Variants in UTRN observed in about 807,000 individuals in gnomAD.
The protein encoded by UTRN is utrophin.
A neutral mutation model predicts 463.9 loss-of-function variants in UTRN; 283 were observed. The observed-to-expected ratio is 0.61, with a 90% CI of 0.55 to 0.67. The LOEUF is 0.67. Ranked by LOEUF, UTRN falls within the 30% of genes least tolerant of loss-of-function variation. The probability of loss-of-function intolerance (pLI) is 0.00; values close to 1 mark genes in which losing one functional copy is unlikely to be tolerated. For missense variants in UTRN, 3,922 were observed against 4,084.3 expected, an observed-to-expected ratio of 0.96 and a Z score of 1.08; for synonymous variants, 1,442 against 1,431.5, an observed-to-expected ratio of 1.01 and a Z score of -0.17.
At chr6:144,490,846 A>G (rs1792993555) in intron 31 of UTRN, 83 bp from the exon 32 acceptor site, 4 of 1,433,262 alleles carry the variant, frequency 2.8e-6, no homozygotes, top group Non-Finnish European at 3.7e-6. Context: ...TTATGGTACA[A>G]ATTTTTAGTA....
At chr6:144,416,797 A>T (rs757417195) in intron 3 of UTRN, among the ~76,000 whole-genome samples, 5 of 152,186 alleles carry the variant, frequency 3.3e-5, no homozygotes, top group Admixed American at 2.0e-4. Flanking sequence ...TTTTGTATTT[A>T]TTGGAAAACT....
intron 71 of UTRN, chr6:144,838,926 G>T (rs1463325503): frequency 5.3e-6 from 2 of 378,660 alleles, no homozygotes; most frequent in Admixed American, 4.3e-5. Flanking sequence ...AAAATTGAGG[G>T]ATAAAAATGG....
intron 2 of UTRN, among the ~76,000 whole-genome samples, chr6:144,385,898 A>C (rs1165947332): frequency 6.6e-6 from 1 of 151,930 alleles, no homozygotes; most frequent in African/African-American, 2.4e-5. Flanking sequence ...TAGTAGAGAC[A>C]AGGTTTCATC....
chr6:144,409,819 C>T (rs1422098564), intron 3 of UTRN, among the ~76,000 whole-genome samples: 1 of 152,200 alleles, frequency 6.6e-6, no homozygotes, highest in Non-Finnish European at 1.5e-5. Flanking sequence ...ACCCTGCCAA[C>T]ACTGGTACCT....
intron 65 of UTRN, among the ~76,000 whole-genome samples, chr6:144,806,813 T>C (rs1216710574): frequency 9.7e-6 from 1 of 103,260 alleles, no homozygotes; most frequent in Non-Finnish European, 2.2e-5. Flanking sequence ...TCATTCGAAA[T>C]ACAAATTTTA....
intron 51 of UTRN, among the ~76,000 whole-genome samples, chr6:144,622,685 C>T (rs1775553500): frequency 6.6e-6 from 1 of 151,942 alleles, no homozygotes; most frequent in African/African-American, 2.4e-5. Context: ...GTTGTTTTAC[C>T]TTATCCAAGG....
At chr6:144,718,324 A>C (rs1786731188) in intron 53 of UTRN, among the ~76,000 whole-genome samples, 1 of 152,138 alleles carries the variant, frequency 6.6e-6, no homozygotes, top group Non-Finnish European at 1.5e-5. Context: ...AAAATTAATT[A>C]GCCTGGTATG....
intron 53 of UTRN, among the ~76,000 whole-genome samples, chr6:144,710,028 A>G (rs1425583905): frequency 6.6e-6 from 1 of 152,344 alleles, no homozygotes; most frequent in African/African-American, 2.4e-5. Flanking sequence ...ACGAAGAGCA[A>G]TAAGGTATAG....
intron 53 of UTRN, among the ~76,000 whole-genome samples, chr6:144,701,861 T>TC (rs1298702428): frequency 6.6e-6 from 1 of 152,186 alleles, no homozygotes; most frequent in East Asian, 1.9e-4. Flanking sequence ...GTATTTTTTT[T>TC]CTTTCTACTC....
At chr6:144,673,289 A>G (rs1173247007) in intron 51 of UTRN, among the ~76,000 whole-genome samples, 1 of 152,124 alleles carries the variant, frequency 6.6e-6, no homozygotes, top group Non-Finnish European at 1.5e-5. Context: ...GTCCCCTACA[A>G]TTATTGTGTT....
rs576118440 is a variant in UTRN at position 144,724,782 on chromosome 6, T to C, written c.7810-5575T>C. Among the ~76,000 whole-genome samples the C allele has an allele frequency of 3.3e-5, 5 of 152,358 alleles. No individual in the cohort carries two copies. The South Asian group carries it at 1.0e-3, about 32-fold the overall frequency. ...TCAGTATTTCATTCATTTTTATTAC[T>C]GAATAAGATGTCATTGTATTATGGA... On this transcript the variant is annotated intron_variant, in intron 53 of 74. Coordinates refer to ENST00000367545, the MANE Select transcript of UTRN (RefSeq NM_007124.3).
Position 144,776,774 on chromosome 6 carries a change from A to T in UTRN, c.8632+2410A>T, listed in dbSNP as rs575234370. ...GCTCTTTGTATAGGTTGATGCAAAA[A>T]TAATTGCAGTTTTTGCCGTTAAAAG... is the stretch of plus-strand genomic sequence containing the variant. On this transcript the variant is annotated intron_variant, in intron 60 of 74. Transcript: ENST00000367545. Among the ~76,000 whole-genome samples, 218 of 152,282 alleles carry T rather than the reference A, an allele frequency of 1.4e-3. 1 individual carries two copies. Among genetic ancestry groups the T allele is most frequent in the African/African-American group, 4.9e-3 (205 of 41,550 alleles).
chr6:144,375,631 G>A (rs1780386284), intron 2 of UTRN, among the ~76,000 whole-genome samples: 1 of 152,096 alleles, frequency 6.6e-6, no homozygotes, highest in Non-Finnish European at 1.5e-5. Flanking sequence ...ACCCTTGTTT[G>A]CTTTTGCCTG....
chr6:144,469,522 A>C lies in UTRN; in HGVS notation c.3067-4198A>C, dbSNP rs960873898. 2.4e-4 allele frequency among the ~76,000 whole-genome samples: 36 copies of C among 152,190 alleles called. 1 individual carries two copies. The highest frequency in any genetic ancestry group is 2.4e-3 in the Admixed American group (36 of 15,286). On this transcript the variant is annotated intron_variant, in intron 23 of 74. Coordinates refer to ENST00000367545, the MANE Select transcript of UTRN (RefSeq NM_007124.3). ...TAGGCAGGTGCTGAGCTTGGTAGTC[A>C]GACCTCAGCATTTCTTTATATGGGC...
At chr6:144,531,912 C>T (rs536375402) in intron 42 of UTRN, among the ~76,000 whole-genome samples, 16 of 151,984 alleles carry the variant, frequency 1.1e-4, no homozygotes, top group East Asian at 7.7e-4. Context: ...CTGAGGTGGG[C>T]GGATTATGAG....
intron 2 of UTRN, among the ~76,000 whole-genome samples, chr6:144,336,716 T>G (rs1392996581): frequency 6.6e-6 from 1 of 152,282 alleles, no homozygotes; most frequent in East Asian, 1.9e-4. Context: ...TACTCCCTCT[T>G]TCTTTTTTTT....
intron 54 of UTRN, among the ~76,000 whole-genome samples, chr6:144,730,904 C>A (rs1788449084): frequency 6.6e-6 from 1 of 150,798 alleles, no homozygotes; most frequent in African/African-American, 2.4e-5. Context: ...AATGACACAC[C>A]AAAGTCCTTT....
intron 51 of UTRN, among the ~76,000 whole-genome samples, chr6:144,610,143 G>C (rs1298834886): frequency 7.8e-6 from 1 of 127,580 alleles, no homozygotes; most frequent in Non-Finnish European, 1.7e-5. Flanking sequence ...AAAACTAAGA[G>C]ATTCTTTTTT....
Position 144,803,119 on chromosome 6 carries a change from A to G in UTRN, c.9329A>G (p.His3110Arg), listed in dbSNP as rs961471302. Residue 3110 changes from histidine (H) to arginine (R), a missense_variant, in exon 65 of 75, where the codon CAT becomes CGT. Coordinates refer to ENST00000367545, the MANE Select transcript of UTRN (RefSeq NM_007124.3). ...CGAACAGCAAAAGGTCACAAATTAC[A>G]TTACCCAATGGTGGAATATTGTATA... Reference protein sequence around the residue: ...SGRTAKGHKLHYPMVEYCIPT... With the variant: ...SGRTAKGHKLRYPMVEYCIPT... The G allele has an allele frequency of 1.3e-6, 2 of 1,593,974 alleles. No homozygotes were observed. Among genetic ancestry groups the G allele is most frequent in the Non-Finnish European group, 8.5e-7 (1 of 1,170,722 alleles).
Sources: allele counts gnomAD v4.1 joint callset (sites outside exome capture counted in the v4.1 genomes callset), GRCh38; gene constraint gnomAD v4.1.1; transcripts MANE v1.5; gene names NCBI Gene and HGNC (gene_info 2026-07-23, HGNC 2026-07-21).